Variants in RBMS1 observed in about 807,000 individuals in gnomAD.
RBMS1 encodes the protein RNA-binding motif, single-stranded-interacting protein 1.
RBMS1 carries 17 observed loss-of-function variants against 62.3 expected under a neutral mutation model. That is an observed-to-expected ratio of 0.27 (90% CI 0.19 to 0.41). The LOEUF (loss-of-function observed/expected upper bound fraction) is 0.41, where lower values mean the gene tolerates loss of function less well. Ranked by LOEUF, RBMS1 falls within the 10% of genes least tolerant of loss-of-function variation. RBMS1 has a pLI of 1.00. For synonymous variants in RBMS1, 172 were observed against 170.0 expected, an observed-to-expected ratio of 1.01 and a Z score of -0.09; for missense variants, 334 against 504.5, an observed-to-expected ratio of 0.66 and a Z score of 3.24.
At chr2:160,316,061 T>C (rs1690203008) in intron 3 of RBMS1, among the ~76,000 whole-genome samples, 1 of 152,208 alleles carries the variant, frequency 6.6e-6, no homozygotes, top group Non-Finnish European at 1.5e-5. Context: ...ATTAATATTC[T>C]ATAATCTTTT....
intron 1 of RBMS1, among the ~76,000 whole-genome samples, chr2:160,387,529 A>C: frequency 6.6e-6 from 1 of 152,064 alleles, no homozygotes; most frequent in East Asian, 1.9e-4. Flanking sequence ...TCAGGGGAGG[A>C]AGGGGTTTCT....
chr2:160,316,433 T>A (rs967487392), intron 3 of RBMS1, among the ~76,000 whole-genome samples: 4 of 152,194 alleles, frequency 2.6e-5, no homozygotes, highest in Admixed American at 2.6e-4. Context: ...ACTTCTTGTA[T>A]CTAAAATAAG....
At chr2:160,290,736 G>A (rs1217324153) in intron 6 of RBMS1, among the ~76,000 whole-genome samples, 1 of 152,144 alleles carries the variant, frequency 6.6e-6, no homozygotes, top group South Asian at 2.1e-4. Flanking sequence ...AAAGGCCCCA[G>A]GCAACACTGC....
intron 2 of RBMS1, among the ~76,000 whole-genome samples, chr2:160,320,762 C>T (rs144899780): frequency 1.3e-3 from 203 of 152,176 alleles, no homozygotes; most frequent in African/African-American, 4.6e-3. Flanking sequence ...CTTGTACAAC[C>T]GGCAGAACTA....
At chr2:160,395,882 C>CGGTT (rs1226219352) in intron 1 of RBMS1, among the ~76,000 whole-genome samples, 1 of 152,104 alleles carries the variant, frequency 6.6e-6, no homozygotes, top group Non-Finnish European at 1.5e-5. Context: ...CGATTATAAC[C>CGGTT]GTAGGCTTTC....
intron 1 of RBMS1, among the ~76,000 whole-genome samples, chr2:160,430,634 T>C (rs1682851099): frequency 6.6e-6 from 1 of 152,226 alleles, no homozygotes; most frequent in Non-Finnish European, 1.5e-5. Flanking sequence ...AACAATTGTA[T>C]TCATTTATTT....
intron 1 of RBMS1, among the ~76,000 whole-genome samples, chr2:160,434,735 C>T (rs1008209411): frequency 1.3e-5 from 2 of 152,042 alleles, no homozygotes; most frequent in African/African-American, 4.8e-5. Context: ...TAACTAAATC[C>T]CTGAAAAATG....
At chr2:160,451,545 A>G (rs1423727985) in intron 1 of RBMS1, among the ~76,000 whole-genome samples, 2 of 152,178 alleles carry the variant, frequency 1.3e-5, no homozygotes, top group African/African-American at 4.8e-5. Context: ...TTTCAAATCT[A>G]CTTAAACCCA....
intron 7 of RBMS1, among the ~76,000 whole-genome samples, chr2:160,285,875 G>A (rs1276259675): frequency 2.0e-5 from 3 of 152,036 alleles, no homozygotes; most frequent in African/African-American, 7.2e-5. Context: ...ACTTTGGGAG[G>A]CTGAGGTGGG....
intron 12 of RBMS1, 125 bp from the exon 13 acceptor site, chr2:160,275,839 T>C: frequency 7.4e-7 from 1 of 1,344,724 alleles, no homozygotes; most frequent in Non-Finnish European, 1.0e-6. Flanking sequence ...TTTCTTCACG[T>C]CATGTAGAGC....
At chr2:160,407,277 G>GGGC (rs913837925) in intron 1 of RBMS1, among the ~76,000 whole-genome samples, 11 of 152,110 alleles carry the variant, frequency 7.2e-5, no homozygotes, top group African/African-American at 1.9e-4. Context: ...TGCCCGGCCC[G>GGGC]GGCGGCGGCG....
intron 2 of RBMS1, 103 bp downstream of exon 2, chr2:160,367,113 A>AGAT (rs1302408722): frequency 1.3e-5 from 16 of 1,186,734 alleles, no homozygotes; most frequent in Admixed American, 4.6e-5. Context: ...GAGAGTCCAC[A>AGAT]GATACTTCTT....
At chr2:160,310,046 C>T (rs1184259535) in intron 4 of RBMS1, among the ~76,000 whole-genome samples, 2 of 152,114 alleles carry the variant, frequency 1.3e-5, no homozygotes, top group East Asian at 3.9e-4. Context: ...ATCAGAAATT[C>T]AGCATCAAAA....
rs775684357 is a variant in RBMS1 at position 160,367,370 on chromosome 2, G to A, written c.97C>T (p.Pro33Ser). Residue 33 changes from proline to serine, a missense_variant, in exon 2 of 14, where the codon CCC (proline) becomes TCC (serine). Pro to Ser is a moderately conservative substitution (Grantham distance 74, BLOSUM62 -1). Transcript: ENST00000348849. ...QAKQSLVPAH[P>S]MAPPSPSTTS... Reference sequence around the variant, plus strand: ...GTGCTGGGACTGGGAGGGGCCATGGGGTGGGCTGGGACCAGAGACTGCTGG... The same window carrying A: ...GTGCTGGGACTGGGAGGGGCCATGGAGTGGGCTGGGACCAGAGACTGCTGG... 4 of 1,614,050 alleles carry A rather than the reference G, an allele frequency of 2.5e-6. No homozygotes were observed. The highest frequency in any genetic ancestry group is 2.7e-5 in the African/African-American group (2 of 75,020).
In RBMS1 at chr2:160,372,806, G is replaced by A. The variant is rs574216982; in HGVS notation, c.76-5415C>T. Reference sequence around the variant, plus strand: ...AACTAAATGTGGGAGGTGAACTGGAGAGGGGTGAGAAACTGGCCAGGAATC... The same window carrying A: ...AACTAAATGTGGGAGGTGAACTGGAAAGGGGTGAGAAACTGGCCAGGAATC... On this transcript the variant is annotated intron_variant, in intron 1 of 13. Coordinates refer to ENST00000348849, the MANE Select transcript of RBMS1 (RefSeq NM_016836.4). 4.8e-4 allele frequency among the ~76,000 whole-genome samples: 73 copies of A among 152,292 alleles called. 1 individual carries two copies. The highest frequency in any genetic ancestry group is 1.4e-3 in the African/African-American group (59 of 41,554).
In RBMS1 at chr2:160,318,217, T is replaced by C. The variant is rs1439938593; in HGVS notation, c.262A>G (p.Ile88Val). The change falls in exon 3 of 14, where the codon ATA (isoleucine) becomes GTA (valine). Residue 88 changes from isoleucine (I) to valine (V), a missense_variant. By Grantham distance (29) the Ile-to-Val change is conservative (BLOSUM62 3). Around this residue, in one of 3 missense-constraint regions of RBMS1, gnomAD observed 150 missense variants for 228.0 expected, o/e 0.66. Coordinates refer to ENST00000348849, the MANE Select transcript of RBMS1 (RefSeq NM_016836.4). ...LVKLCQPYGK[I>V]VSTKAILDKT... ...TCCAAAATTGCCTTTGTGGAGACTA[T>C]TTTCCCATATCTAAAAAAAAAAAAA... The C allele has an allele frequency of 6.7e-7, 1 of 1,492,284 alleles. No individual in the cohort carries two copies. The highest frequency in any genetic ancestry group is 1.6e-5 in the African/African-American group (1 of 64,502). 92.4% of individuals were successfully genotyped at this position (1,492,284 alleles called of 1,614,324 possible). A position where few individuals can be genotyped will look rare whatever the true frequency, so the allele number is the denominator to read the frequency against.
At chr2:160,450,226 A>G (rs1683906081) in intron 1 of RBMS1, among the ~76,000 whole-genome samples, 1 of 152,184 alleles carries the variant, frequency 6.6e-6, no homozygotes, top group African/African-American at 2.4e-5. Context: ...CAATCTTCAC[A>G]GTGCTGTACG....
At chr2:160,387,104 A>G (rs2105201968) in intron 1 of RBMS1, among the ~76,000 whole-genome samples, 1 of 152,272 alleles carries the variant, frequency 6.6e-6, no homozygotes, top group Admixed American at 6.5e-5. Context: ...TGTTTATCAA[A>G]TTCTAAGACT....
At chr2:160,307,071 G>A (rs1233502931) in intron 4 of RBMS1, among the ~76,000 whole-genome samples, 1 of 151,976 alleles carries the variant, frequency 6.6e-6, no homozygotes, top group Non-Finnish European at 1.5e-5. Context: ...AGCTACTAAC[G>A]TTCACGTGAG....
Sources: gnomAD v4.1 joint callset for allele counts (sites outside exome capture counted in the v4.1 genomes callset) on GRCh38, gnomAD v4.1.1 for gene constraint, gnomAD v4.1.1 regional missense constraint, MANE v1.5 for transcripts, NCBI Gene and HGNC (gene_info 2026-07-23, HGNC 2026-07-21) for gene names.